Variants in SORCS2 observed in about 807,000 individuals in gnomAD.
SORCS2 encodes VPS10 domain-containing receptor SorCS2.
A neutral mutation model predicts 141.6 loss-of-function variants in SORCS2; 100 were observed. The observed-to-expected ratio is 0.71, with a 90% CI of 0.60 to 0.83. SORCS2 has a LOEUF of 0.83. SORCS2 is among the 40% of genes least tolerant of loss of function. The pLI is 0.00. For missense variants in SORCS2, 1,646 were observed against 1,560.2 expected (o/e 1.05, Z -0.93); for synonymous variants, 789 against 676.9 (o/e 1.17, Z -2.57).
chr4:7,334,427 C>G (rs376247418), intron 1 of SORCS2, among the ~76,000 whole-genome samples: 40 of 152,258 alleles, frequency 2.6e-4, no homozygotes, highest in South Asian at 1.7e-3. Flanking sequence ...GCTGGTCCCC[C>G]CTCCCATTCC....
chr4:7,709,235 A>G (rs1347988157), intron 14 of SORCS2, among the ~76,000 whole-genome samples: 1 of 152,188 alleles, frequency 6.6e-6, no homozygotes, highest in Non-Finnish European at 1.5e-5. Flanking sequence ...CTTACTCCTC[A>G]CACAGAGGTT....
intron 1 of SORCS2, among the ~76,000 whole-genome samples, chr4:7,269,259 C>T (rs1036185872): frequency 1.3e-5 from 2 of 152,192 alleles, no homozygotes; most frequent in African/African-American, 4.8e-5. Flanking sequence ...TCTGGAACAG[C>T]AAAGGTCCTG....
At chr4:7,704,114 G>A (rs886443880) in intron 13 of SORCS2, 63 bp from the exon 14 acceptor site, 1 of 1,492,264 alleles carries the variant, frequency 6.7e-7, no homozygotes, top group Admixed American at 1.9e-5. Flanking sequence ...CCGCCGGGCA[G>A]AGTCCCAGAC....
chr4:7,422,413 C>G (rs908168118), intron 2 of SORCS2, among the ~76,000 whole-genome samples: 1 of 152,168 alleles, frequency 6.6e-6, no homozygotes, highest in Non-Finnish European at 1.5e-5. Flanking sequence ...CCTTCCTTTC[C>G]GTGGACACTG....
intron 2 of SORCS2, among the ~76,000 whole-genome samples, chr4:7,425,646 A>T (rs1481933901): frequency 6.6e-6 from 1 of 152,082 alleles, no homozygotes; most frequent in Non-Finnish European, 1.5e-5. Flanking sequence ...AATCACACTC[A>T]TTTTACAGCG....
At chr4:7,315,719 ACT>A (rs2108931858) in intron 1 of SORCS2, among the ~76,000 whole-genome samples, 1 of 151,436 alleles carries the variant, frequency 6.6e-6, no homozygotes, top group South Asian at 2.1e-4. Context: ...CCCTGTGAGG[ACT>A]CTCTCACCTC....
chr4:7,318,695 A>T (rs1346725810), intron 1 of SORCS2, among the ~76,000 whole-genome samples: 1 of 152,188 alleles, frequency 6.6e-6, no homozygotes, highest in Non-Finnish European at 1.5e-5. Flanking sequence ...ACAGCCCCTT[A>T]TCCACAGCCT....
intron 1 of SORCS2, among the ~76,000 whole-genome samples, chr4:7,305,593 G>A (rs1717765473): frequency 1.3e-5 from 2 of 152,192 alleles, no homozygotes; most frequent in South Asian, 4.1e-4. Flanking sequence ...GGCCCCCCCA[G>A]CATCTCAGGG....
At chr4:7,251,977 T>C (rs939960552) in intron 1 of SORCS2, among the ~76,000 whole-genome samples, 4 of 152,142 alleles carry the variant, frequency 2.6e-5, no homozygotes, top group Non-Finnish European at 5.9e-5. Flanking sequence ...CCAGTACTTA[T>C]GACACACACC....
At chr4:7,342,398 G>T (rs977043746) in intron 1 of SORCS2, among the ~76,000 whole-genome samples, 4 of 152,250 alleles carry the variant, frequency 2.6e-5, no homozygotes, top group African/African-American at 9.6e-5. Context: ...ATTTCTGAAT[G>T]ATTCCATTCA....
At chr4:7,660,225 G>A (rs919887953) in intron 5 of SORCS2, among the ~76,000 whole-genome samples, 15 of 152,178 alleles carry the variant, frequency 9.9e-5, no homozygotes, top group African/African-American at 3.1e-4. Context: ...TAAAGACTTC[G>A]CCCAGCAGGG....
intron 14 of SORCS2, among the ~76,000 whole-genome samples, chr4:7,706,842 G>A (rs1725502693): frequency 6.6e-6 from 1 of 152,216 alleles, no homozygotes; most frequent in Non-Finnish European, 1.5e-5. Flanking sequence ...GCTGGACTCT[G>A]CAGGGCTAGA....
At chr4:7,710,195 T>C (rs757246) in intron 14 of SORCS2, among the ~76,000 whole-genome samples, 128,193 of 151,900 alleles carry the variant, frequency 0.84, 54,307 homozygotes, top group African/African-American at 0.93. Context: ...CATGTTTCTG[T>C]ACCCGCCATG....
intron 3 of SORCS2, among the ~76,000 whole-genome samples, chr4:7,610,743 G>T (rs1388740631): frequency 1.3e-5 from 2 of 152,154 alleles, no homozygotes; most frequent in Non-Finnish European, 2.9e-5. Context: ...ATCTAACAAA[G>T]GGGCCAACAA....
chr4:7,685,328 A>G (rs2057725), intron 10 of SORCS2, among the ~76,000 whole-genome samples: 146,265 of 152,230 alleles, frequency 0.96, 70,411 homozygotes, highest in Non-Finnish European at 0.99. Context: ...GGGCACGGGG[A>G]AATGCAGAGC....
At chr4:7,318,056 C>G (rs2878619) in intron 1 of SORCS2, among the ~76,000 whole-genome samples, 89,650 of 152,104 alleles carry the variant, frequency 0.59, 26,502 homozygotes, top group South Asian at 0.72. Context: ...CAGACAGTCG[C>G]GTATCGTGCA....
intron 1 of SORCS2, among the ~76,000 whole-genome samples, chr4:7,208,746 C>A (rs912451833): frequency 6.6e-6 from 1 of 152,188 alleles, no homozygotes; most frequent in African/African-American, 2.4e-5. Flanking sequence ...GCTCACCAGG[C>A]ACCCCTCTCT....
intron 1 of SORCS2, among the ~76,000 whole-genome samples, chr4:7,345,405 C>T (rs1434766306): frequency 3.9e-5 from 6 of 152,194 alleles, no homozygotes; most frequent in African/African-American, 1.4e-4. Flanking sequence ...GCTGCAGGAG[C>T]TTTACAAATG....
chr4:7,610,279 C>T (rs1176138072), intron 3 of SORCS2, among the ~76,000 whole-genome samples: 9 of 152,196 alleles, frequency 5.9e-5, no homozygotes, highest in African/African-American at 1.4e-4. Flanking sequence ...CCTCTCCACA[C>T]GTGAGATGCT....
Sources: allele counts gnomAD v4.1 joint callset (sites outside exome capture counted in the v4.1 genomes callset), GRCh38; gene constraint gnomAD v4.1.1; transcripts MANE v1.5; gene names NCBI Gene and HGNC (gene_info 2026-07-23, HGNC 2026-07-21).